RUNX1T1: variants seen among roughly 807,000 people sequenced by gnomAD.
RUNX1T1 encodes RUNX1 partner transcriptional co-repressor 1.
RUNX1T1 carries 4 observed loss-of-function variants against 62.8 expected under a neutral mutation model. The observed-to-expected ratio is 0.06, with a 90% confidence interval of 0.03 to 0.15. The LOEUF is 0.15. Among genes scored for constraint, RUNX1T1 ranks in the 10% least tolerant of loss-of-function variants. The pLI is 1.00. For synonymous variants in RUNX1T1, 291 were observed against 286.0 expected (o/e 1.02, Z -0.18); for missense variants, 508 against 754.3 (o/e 0.67, Z 3.82).
intron 1 of RUNX1T1, among the ~76,000 whole-genome samples, chr8:92,050,126 T>C (rs1374034276): frequency 6.6e-6 from 1 of 152,174 alleles, no homozygotes; most frequent in East Asian, 1.9e-4. Context: ...TGATAGACTG[T>C]TATTCGTAAA....
chr8:91,997,205 G>A (rs1489315413), intron 5 of RUNX1T1, among the ~76,000 whole-genome samples: 1 of 152,096 alleles, frequency 6.6e-6, no homozygotes, highest in African/African-American at 2.4e-5. Context: ...GTGTGTGCTG[G>A]TAATCCCTTT....
upstream of RUNX1T1, chr8:92,063,112 AGGTAC>A: frequency 3.2e-6 from 1 of 310,130 alleles, no homozygotes; most frequent in Non-Finnish European, 5.1e-6. Context: ...AAAAAAAAAA[AGGTAC>A]AGAACTCAAA....
At chr8:92,024,497 C>CAAAAAAAAAAAAAAAAAA (rs34547904) in intron 1 of RUNX1T1, among the ~76,000 whole-genome samples, 1 of 17,534 alleles carries the variant, frequency 5.7e-5, no homozygotes, top group African/African-American at 1.8e-4. Flanking sequence ...AACCCCAACT[C>CAAAAAAAAAAAAAAAAAA]AAAAAAAAAA....
intron 1 of RUNX1T1, among the ~76,000 whole-genome samples, chr8:92,086,875 A>T (rs1836206333): frequency 6.6e-6 from 1 of 152,116 alleles, no homozygotes; most frequent in African/African-American, 2.4e-5. Flanking sequence ...CTTCTGCAAT[A>T]TCTAAAACCT....
intron 4 of RUNX1T1, among the ~76,000 whole-genome samples, chr8:92,007,440 G>A (rs1056921230): frequency 4.0e-5 from 6 of 151,848 alleles, no homozygotes; most frequent in Non-Finnish European, 7.4e-5. Flanking sequence ...ACACTTGCCT[G>A]GGCAACAGAG....
At chr8:91,959,297 A>G (rs965309897) in exon 11 of RUNX1T1, 2 of 222,612 alleles carry the variant, frequency 9.0e-6, no homozygotes, top group African/African-American at 4.5e-5. Flanking sequence ...AATAGACCCA[A>G]TGTCTTACTC....
intron 8 of RUNX1T1, 70 bp from the exon 10 acceptor site, chr8:91,976,043 G>T (rs577533597): frequency 1.8e-6 from 2 of 1,107,800 alleles, no homozygotes; most frequent in South Asian, 1.3e-5. Flanking sequence ...TCATCGCACA[G>T]AGTGAAAGTA....
intron 1 of RUNX1T1, among the ~76,000 whole-genome samples, chr8:92,024,983 T>A (rs1448517366): frequency 1.3e-5 from 2 of 152,214 alleles, no homozygotes; most frequent in African/African-American, 2.4e-5. Context: ...CTTGGTCAAA[T>A]GCCTGATACA....
intron 1 of RUNX1T1, among the ~76,000 whole-genome samples, chr8:92,056,972 T>C (rs1239436348): frequency 6.6e-6 from 1 of 152,170 alleles, no homozygotes; most frequent in Non-Finnish European, 1.5e-5. Context: ...GGAGTAAATT[T>C]ATGATTTCTT....
chr8:92,073,550 C>T lies in RUNX1T1; in HGVS notation c.88+2415G>A, dbSNP rs148091055. Reference sequence around the variant, plus strand: ...GCTTCTAAATTACAACTCCAAAACTCTAAGAGCCCAATGGATTCCAGGTGT... The same window carrying T: ...GCTTCTAAATTACAACTCCAAAACTTTAAGAGCCCAATGGATTCCAGGTGT... On this transcript the variant is annotated intron_variant, in intron 2 of 11. Transcript: ENST00000265814. Among the ~76,000 whole-genome samples the T allele has an allele frequency of 2.1e-3, 314 of 152,260 alleles. 2 individuals are homozygous for T. The highest frequency in any genetic ancestry group is 7.2e-3 in the African/African-American group (300 of 41,546).
intron 5 of RUNX1T1, among the ~76,000 whole-genome samples, chr8:91,992,417 T>A (rs1308724123): frequency 6.6e-6 from 1 of 152,202 alleles, no homozygotes; most frequent in Non-Finnish European, 1.5e-5. Context: ...TTACTTAAAA[T>A]TAAATAAAGC....
intron 5 of RUNX1T1, among the ~76,000 whole-genome samples, chr8:91,996,395 G>A (rs920883430): frequency 6.6e-6 from 1 of 152,040 alleles, no homozygotes; most frequent in Non-Finnish European, 1.5e-5. Context: ...TAGAGACGGG[G>A]TTTCACCCTG....
At chr8:92,031,434 G>A (rs545652772) in intron 1 of RUNX1T1, among the ~76,000 whole-genome samples, 60 of 152,222 alleles carry the variant, frequency 3.9e-4, no homozygotes, top group Non-Finnish European at 5.9e-4. Flanking sequence ...AAAATAAAGT[G>A]TGACAAGATT....
intron 5 of RUNX1T1, among the ~76,000 whole-genome samples, chr8:91,996,494 C>T (rs1818717779): frequency 6.6e-6 from 1 of 152,186 alleles, no homozygotes; most frequent in Admixed American, 6.5e-5. Flanking sequence ...AGCCACAGCG[C>T]CCGGCTTATT....
intron 1 of RUNX1T1, among the ~76,000 whole-genome samples, chr8:92,022,623 C>G (rs1170501534): frequency 2.0e-5 from 3 of 152,148 alleles, no homozygotes; most frequent in Non-Finnish European, 2.9e-5. Flanking sequence ...AAGCTGCCAT[C>G]TTGAGAGCAG....
At chr8:92,062,510 G>GA (rs1275770938) in intron 1 of RUNX1T1, 17 of 1,607,706 alleles carry the variant, frequency 1.1e-5, no homozygotes, top group Middle Eastern at 1.6e-4. Context: ...TTCTTCATTG[G>GA]AAAAACAGAG....
At chr8:92,029,429 T>A (rs529528912) in intron 1 of RUNX1T1, among the ~76,000 whole-genome samples, 1 of 152,268 alleles carries the variant, frequency 6.6e-6, no homozygotes, top group East Asian at 1.9e-4. Flanking sequence ...TCAGGAGATA[T>A]TTCAGAAGTA....
At chr8:91,998,642 A>G (rs1819166572) in intron 5 of RUNX1T1, among the ~76,000 whole-genome samples, 1 of 152,316 alleles carries the variant, frequency 6.6e-6, no homozygotes, top group South Asian at 2.1e-4. Flanking sequence ...ACGTGTCTGA[A>G]GCTGACCATC....
At chr8:92,013,913 C>T (rs1013263262) in intron 3 of RUNX1T1, among the ~76,000 whole-genome samples, 12 of 152,004 alleles carry the variant, frequency 7.9e-5, no homozygotes, top group South Asian at 2.1e-4. Flanking sequence ...CAGAAGGTTT[C>T]GGATTGAGGT....
Sources: allele counts gnomAD v4.1 joint callset (sites outside exome capture counted in the v4.1 genomes callset), GRCh38; gene constraint gnomAD v4.1.1; transcripts MANE v1.5; gene names NCBI Gene and HGNC (gene_info 2026-07-23, HGNC 2026-07-21).